Variants in SLC43A2 observed in about 807,000 individuals in gnomAD.
The protein encoded by SLC43A2 is large neutral amino acids transporter small subunit 4.
Under a neutral mutation model 63.2 loss-of-function variants are expected in SLC43A2, and 38 were observed. The observed-to-expected ratio is 0.60, with a 90% confidence interval of 0.46 to 0.79. The LOEUF is 0.79. Among genes scored for constraint, SLC43A2 ranks in the 30% least tolerant of loss-of-function variants. The probability of loss-of-function intolerance (pLI) is 0.00; values close to 1 mark genes in which losing one functional copy is unlikely to be tolerated. For synonymous variants in SLC43A2, 322 were observed against 331.0 expected (o/e 0.97, Z 0.30); for missense variants, 644 against 756.2 (o/e 0.85, Z 1.74).
Position 1,585,909 on chromosome 17 carries a change from G to C in SLC43A2, c.1217+4C>G. ...GAGCCGGGGCACCGGCCCTGCCTAC[G>C]CACTGGTTGGCGTCTTTCTCCTCGG... On this transcript the variant is annotated splice_donor_region_variant and intron_variant, in intron 10 of 13. Transcript: ENST00000301335. 1.2e-6 allele frequency: 2 copies of C among 1,613,710 alleles called. No homozygotes were observed. Among genetic ancestry groups the C allele is most frequent in the Non-Finnish European group, 1.7e-6 (2 of 1,179,996 alleles).
At chr17:1,594,090 G>T (rs1435779394) in intron 5 of SLC43A2, among the ~76,000 whole-genome samples, 3 of 152,164 alleles carry the variant, frequency 2.0e-5, no homozygotes, top group Admixed American at 2.0e-4. Flanking sequence ...CTCCCAAAGT[G>T]CTGGGACTAC....
intron 6 of SLC43A2, among the ~76,000 whole-genome samples, chr17:1,591,958 G>A (rs915904564): frequency 1.3e-5 from 2 of 152,204 alleles, no homozygotes; most frequent in African/African-American, 2.4e-5. Context: ...TGACCGCCCC[G>A]CCATGACCAC....
chr17:1,602,852 G>A (rs1269235851), intron 5 of SLC43A2, among the ~76,000 whole-genome samples: 2 of 144,464 alleles, frequency 1.4e-5, no homozygotes, highest in Non-Finnish European at 1.5e-5. Flanking sequence ...TCCACCTCCC[G>A]GGTTCATGCG....
At position 1,591,075 on chromosome 17, in the gene SLC43A2, G is replaced by A. The variant is rs188720752; in HGVS notation, c.932-127C>T. The A allele has an allele frequency of 3.1e-4, 392 of 1,272,808 alleles. No homozygotes were observed. In the African/African-American group the frequency reaches 5.3e-3, roughly 17 times the overall value. 78.8% of individuals were successfully genotyped at this position (1,272,808 alleles called of 1,614,324 possible). On this transcript the variant is annotated intron_variant, in intron 8 of 13. Coordinates refer to ENST00000301335, the MANE Select transcript of SLC43A2 (RefSeq NM_152346.3). ...GGACGGGCCTGGTGAGGGTAACGGGGTTGGCGCTGCGGTGGGGTCACCTCT... is the reference window on the plus strand; with the variant it reads ...GGACGGGCCTGGTGAGGGTAACGGGATTGGCGCTGCGGTGGGGTCACCTCT...
At chr17:1,609,748 G>C (rs1906926089) in intron 5 of SLC43A2, among the ~76,000 whole-genome samples, 1 of 150,314 alleles carries the variant, frequency 6.7e-6, no homozygotes, top group Non-Finnish European at 1.5e-5. Flanking sequence ...TAATAAGGCA[G>C]ATCTCTAAGT....
intron 6 of SLC43A2, 148 bp from the exon 7 acceptor site, chr17:1,591,847 G>T (rs773518727): frequency 1.7e-5 from 11 of 660,130 alleles, no homozygotes; most frequent in African/African-American, 1.1e-4. Context: ...CAGCCTGGGC[G>T]TTGGGGCATC....
At chr17:1,599,563 T>A (rs1905695191) in intron 5 of SLC43A2, among the ~76,000 whole-genome samples, 1 of 151,770 alleles carries the variant, frequency 6.6e-6, no homozygotes, top group South Asian at 2.1e-4. Flanking sequence ...TAGCTGGGCG[T>A]GGTGGCAGGC....
chr17:1,619,680 G>C (rs1414138614), intron 2 of SLC43A2, among the ~76,000 whole-genome samples: 1 of 152,214 alleles, frequency 6.6e-6, no homozygotes, highest in African/African-American at 2.4e-5. Flanking sequence ...AGTTGGTGTT[G>C]GTTTCAAATG....
At chr17:1,629,489 C>G (rs1405486879), upstream of SLC43A2, among the ~76,000 whole-genome samples, 1 of 152,254 alleles carries the variant, frequency 6.6e-6, no homozygotes, top group East Asian at 1.9e-4. Context: ...TTCCCCTCTC[C>G]CCGGTGGCGT....
chr17:1,627,247 C>T (rs527608454), intron 2 of SLC43A2, among the ~76,000 whole-genome samples: 1 of 152,164 alleles, frequency 6.6e-6, no homozygotes, highest in Non-Finnish European at 1.5e-5. Context: ...GCCTGAGGAA[C>T]GTCTAGATTC....
intron 5 of SLC43A2, among the ~76,000 whole-genome samples, chr17:1,609,568 C>T (rs1289957178): frequency 6.6e-6 from 1 of 152,080 alleles, no homozygotes; most frequent in East Asian, 1.9e-4. Flanking sequence ...ATCCTGTGGC[C>T]CAGGGCTGCC....
At chr17:1,616,827 T>A in intron 2 of SLC43A2, 58 bp from the exon 3 acceptor site, 1 of 1,585,314 alleles carries the variant, frequency 6.3e-7, no homozygotes, top group Non-Finnish European at 8.6e-7. Context: ...TTCCCAAAGA[T>A]CAGAAGGGCA....
chr17:1,572,654 C>G lies in SLC43A2; in HGVS notation c.*2950G>C, dbSNP rs1333381676. 6.6e-6 allele frequency: 1 copy of G among 152,420 alleles called. No homozygotes were observed. Among genetic ancestry groups the G allele is most frequent in the East Asian group, 1.9e-4 (1 of 5,192 alleles). The allele number at this position is 152,420 out of a possible 1,614,324, so 9.4% of individuals were successfully genotyped here. A position where few individuals can be genotyped will look rare whatever the true frequency, so the allele number is the denominator to read the frequency against. On this transcript the variant is annotated 3_prime_UTR_variant, in exon 14 of 14. Transcript: ENST00000301335. Reference sequence around the variant, plus strand: ...GGAGTGCAGGGGGCACCCGACCCATCTGGCCAGCCACAGCCTCTGTACCCT... The same window carrying G: ...GGAGTGCAGGGGGCACCCGACCCATGTGGCCAGCCACAGCCTCTGTACCCT...
intron 5 of SLC43A2, among the ~76,000 whole-genome samples, chr17:1,600,799 C>A (rs1905926210): frequency 6.6e-6 from 1 of 151,706 alleles, no homozygotes; most frequent in Admixed American, 6.6e-5. Flanking sequence ...CTCAAGCGAT[C>A]TGCCCACCTC....
At chr17:1,591,078 G>A in intron 8 of SLC43A2, 130 bp from the exon 9 acceptor site, 2 of 1,257,686 alleles carry the variant, frequency 1.6e-6, no homozygotes, top group South Asian at 2.9e-5. Context: ...TAACGGGGTT[G>A]GCGCTGCGGT....
rs1904699944 is a variant in SLC43A2, at chr17:1,590,889, T to C, written c.991A>G (p.Met331Val). ...SPILLLSLVT[M>V]CVTQLRLIFY... ...ATGAGCCGCAGCTGCGTGACGCACA[T>C]GGTGACCAGGCTGAGCAGCAGGATG... is the stretch of plus-strand genomic sequence containing the variant. The change falls in exon 9 of 14, where the codon ATG becomes GTG. Residue 331 changes from methionine to valine, a missense_variant. Coordinates refer to ENST00000301335, the MANE Select transcript of SLC43A2 (RefSeq NM_152346.3). 2 of 1,552,796 alleles carry C rather than the reference T, an allele frequency of 1.3e-6. No homozygotes were observed. Among genetic ancestry groups the C allele is most frequent in the South Asian group, 1.2e-5 (1 of 84,150 alleles).
intron 2 of SLC43A2, among the ~76,000 whole-genome samples, chr17:1,625,325 C>T (rs1454879041): frequency 6.6e-6 from 1 of 152,134 alleles, no homozygotes; most frequent in Non-Finnish European, 1.5e-5. Context: ...TGGCTGGAGT[C>T]GTAAGAAAGA....
chr17:1,629,182 C>A (rs1475581779), upstream of SLC43A2, among the ~76,000 whole-genome samples: 27 of 152,016 alleles, frequency 1.8e-4, no homozygotes, highest in Admixed American at 1.8e-3. Context: ...CGGACTCCCC[C>A]CAGAAGCCGC....
At chr17:1,608,255 G>A (rs1231430647) in intron 5 of SLC43A2, among the ~76,000 whole-genome samples, 1 of 152,182 alleles carries the variant, frequency 6.6e-6, no homozygotes, top group East Asian at 1.9e-4. Flanking sequence ...GCCTCCCTTA[G>A]ACAGACCTCT....
Sources: allele counts gnomAD v4.1 joint callset (sites outside exome capture counted in the v4.1 genomes callset), GRCh38; gene constraint gnomAD v4.1.1; transcripts MANE v1.5; gene names NCBI Gene and HGNC (gene_info 2026-07-23, HGNC 2026-07-21).